CDH11: variants seen among roughly 807,000 people sequenced by gnomAD.
The protein encoded by CDH11 is cadherin 11.
CDH11 carries 11 observed loss-of-function variants against 67.8 expected under a neutral mutation model. The ratio of observed to expected loss-of-function variants is 0.16; its 90% confidence interval spans 0.10 to 0.27. The LOEUF (loss-of-function observed/expected upper bound fraction) is 0.27. CDH11 is among the 10% of genes least tolerant of loss of function. CDH11 has a pLI of 1.00. For synonymous variants in CDH11, 419 were observed against 400.0 expected, an observed-to-expected ratio of 1.05 and a Z score of -0.57; for missense variants, 847 against 1,031.2, an observed-to-expected ratio of 0.82 and a Z score of 2.45.
intron 2 of CDH11, among the ~76,000 whole-genome samples, chr16:65,042,599 C>T (rs992596122): frequency 6.6e-6 from 1 of 152,136 alleles, no homozygotes; most frequent in Non-Finnish European, 1.5e-5. Flanking sequence ...AAATTTGCAT[C>T]TGGATTTTAT....
chr16:65,121,992 G>A lies in CDH11; in HGVS notation c.-410C>T, dbSNP rs1305932361. 1.6e-5 allele frequency: 11 copies of A among 700,470 alleles called. No individual in the cohort carries two copies. The highest frequency in any genetic ancestry group is 1.2e-4 in the African/African-American group (7 of 57,108). 43.4% of individuals were successfully genotyped at this position (700,470 alleles called of 1,614,324 possible). A position where few individuals can be genotyped will look rare whatever the true frequency, so the allele number is the denominator to read the frequency against. ...CGGTCCCATTCACAAGTCAGCGGCG[G>A]CTGCGAGCGGCCCCCGCGGCATCTG... On this transcript the variant is annotated 5_prime_UTR_variant, in exon 1 of 13. Coordinates refer to ENST00000268603, the MANE Select transcript of CDH11 (RefSeq NM_001797.4). The surrounding 1 kb of genome is among the most constrained non-coding windows in gnomAD (Gnocchi z 4.1).
Position 64,946,881 on chromosome 16 carries a change from CA to C in CDH11, c.*721del. On this transcript the variant is annotated 3_prime_UTR_variant, in exon 13 of 13. Coordinates refer to ENST00000268603, the MANE Select transcript of CDH11 (RefSeq NM_001797.4). ...ATAAAATATAAGTGTGATGCCGTAACATTTTCTTACATGTCAGAATACTGAT... is the reference window on the plus strand; with the variant it reads ...ATAAAATATAAGTGTGATGCCGTAACTTTTCTTACATGTCAGAATACTGAT... 11 of 822,076 alleles carry C rather than the reference CA, an allele frequency of 1.3e-5. No individual in the cohort carries two copies. Among genetic ancestry groups the C allele is most frequent in the Non-Finnish European group, 1.6e-5 (11 of 670,148 alleles). 50.9% of individuals were successfully genotyped at this position (822,076 alleles called of 1,614,324 possible).
intron 4 of CDH11, among the ~76,000 whole-genome samples, chr16:64,993,355 C>T (rs1320909945): frequency 6.6e-5 from 10 of 152,026 alleles, no homozygotes; most frequent in Non-Finnish European, 1.2e-4. Context: ...ACAACTCATG[C>T]ACTTGAAATG....
chr16:64,982,376 T>C (rs993295674), intron 7 of CDH11, 75 bp from the exon 8 acceptor site: 3 of 1,161,662 alleles, frequency 2.6e-6, no homozygotes, highest in African/African-American at 1.5e-5. Flanking sequence ...GATTGTTTTA[T>C]AGGGACGAGT....
Position 64,989,730 on chromosome 16 carries a change from T to G in CDH11, c.812-1386A>C, listed in dbSNP as rs534124897. 1.3e-4 allele frequency among the ~76,000 whole-genome samples: 20 copies of G among 152,282 alleles called. No homozygotes were observed. In the South Asian group the frequency reaches 3.9e-3, roughly 30 times the overall value. ...AAATCACTGGAAGGTTTGCACTAAG[T>G]AGCTAAGATTCAACATTATCTTATT... On this transcript the variant is annotated intron_variant, in intron 6 of 12. Coordinates refer to ENST00000268603, the MANE Select transcript of CDH11 (RefSeq NM_001797.4).
intron 2 of CDH11, among the ~76,000 whole-genome samples, chr16:65,021,636 T>TG (rs564626594): frequency 4.2e-5 from 6 of 141,204 alleles, no homozygotes; most frequent in Middle Eastern, 3.4e-3. Flanking sequence ...TAGAGCTCTT[T>TG]AAAAAAAAAA....
chr16:65,045,950 G>A (rs945171507), intron 2 of CDH11, among the ~76,000 whole-genome samples: 3 of 152,156 alleles, frequency 2.0e-5, no homozygotes, highest in African/African-American at 7.2e-5. Context: ...GTTAGTGAAT[G>A]AATGAATACC....
At chr16:65,032,607 C>G (rs768747255) in intron 2 of CDH11, among the ~76,000 whole-genome samples, 1 of 152,068 alleles carries the variant, frequency 6.6e-6, no homozygotes, top group Non-Finnish European at 1.5e-5. Flanking sequence ...ATGTGCCAAG[C>G]GTTCTCTAAG....
chr16:64,983,591 G>C (rs946499370), intron 7 of CDH11, among the ~76,000 whole-genome samples: 2 of 152,040 alleles, frequency 1.3e-5, no homozygotes, highest in Admixed American at 6.6e-5. Flanking sequence ...GTTTCAACAG[G>C]GTTAAGCAAG....
At chr16:64,969,984 A>G (rs1274133663) in intron 11 of CDH11, among the ~76,000 whole-genome samples, 2 of 152,230 alleles carry the variant, frequency 1.3e-5, no homozygotes, top group African/African-American at 2.4e-5. Flanking sequence ...CAAAAGGTAA[A>G]AGAAAAATCC....
At chr16:65,122,203 A>C (rs1782587977), upstream of CDH11, 2 of 529,876 alleles carry the variant, frequency 3.8e-6, no homozygotes, top group African/African-American at 4.1e-5. Flanking sequence ...AGAGAAGCCG[A>C]GGCTGCGAGA....
At chr16:65,019,520 C>G (rs2073379964) in intron 2 of CDH11, among the ~76,000 whole-genome samples, 1 of 152,078 alleles carries the variant, frequency 6.6e-6, no homozygotes, top group Non-Finnish European at 1.5e-5. Context: ...TTCACTTTTG[C>G]ATTAGTGCAT....
intron 1 of CDH11, among the ~76,000 whole-genome samples, chr16:65,056,897 A>G (rs2142728556): frequency 6.6e-6 from 1 of 152,308 alleles, no homozygotes; most frequent in South Asian, 2.1e-4. Context: ...CCTTTCACCA[A>G]AAGCCTAGGC....
At chr16:65,045,140 C>G (rs2073932673) in intron 2 of CDH11, among the ~76,000 whole-genome samples, 1 of 151,416 alleles carries the variant, frequency 6.6e-6, no homozygotes, top group East Asian at 2.0e-4. Context: ...GAATCACCAT[C>G]CCCCTAGGTC....
intron 1 of CDH11, among the ~76,000 whole-genome samples, chr16:65,061,144 G>A (rs2074232083): frequency 6.6e-6 from 1 of 152,156 alleles, no homozygotes; most frequent in South Asian, 2.1e-4. Flanking sequence ...TTTGTTATTT[G>A]TGGCTATTTG....
chr16:64,944,583 A>G lies in CDH11; in HGVS notation c.*3020T>C. ...AAGATGTGAAGGATATGTCACAATG[A>G]CCCAGGAGCAGTTTCAAATACTCCT... On this transcript the variant is annotated 3_prime_UTR_variant, in exon 13 of 13. Coordinates refer to ENST00000268603, the MANE Select transcript of CDH11 (RefSeq NM_001797.4). The G allele has an allele frequency of 4.3e-6, 1 of 232,454 alleles. No individual in the cohort carries two copies. The highest frequency in any genetic ancestry group is 8.5e-6 in the Non-Finnish European group (1 of 117,572). 14.4% of individuals were successfully genotyped at this position (232,454 alleles called of 1,614,324 possible). A position where few individuals can be genotyped will look rare whatever the true frequency, so the allele number is the denominator to read the frequency against.
chr16:65,068,485 T>C (rs2074359372), intron 1 of CDH11, among the ~76,000 whole-genome samples: 1 of 151,686 alleles, frequency 6.6e-6, no homozygotes, highest in South Asian at 2.1e-4. Context: ...GACTGTCTAT[T>C]TTTAGTGGCC....
intron 2 of CDH11, among the ~76,000 whole-genome samples, chr16:65,040,726 A>G (rs1486195085): frequency 6.6e-6 from 1 of 152,246 alleles, no homozygotes; most frequent in African/African-American, 2.4e-5. Flanking sequence ...ACTGTAATTT[A>G]GCAGCATTGA....
intron 1 of CDH11, among the ~76,000 whole-genome samples, chr16:65,097,250 A>C (rs962172453): frequency 6.6e-6 from 1 of 152,260 alleles, no homozygotes; most frequent in East Asian, 1.9e-4. Flanking sequence ...TTGGGACTGC[A>C]TGGGGACCTG....
Sources: allele counts gnomAD v4.1 joint callset (sites outside exome capture counted in the v4.1 genomes callset), GRCh38; gene constraint gnomAD v4.1.1; non-coding constraint Gnocchi (gnomAD v3.1); transcripts MANE v1.5; gene names NCBI Gene and HGNC (gene_info 2026-07-23, HGNC 2026-07-21).